Variants in GALNT2 observed in about 807,000 individuals in gnomAD.
GALNT2 encodes the protein polypeptide N-acetylgalactosaminyltransferase 2.
Under a neutral mutation model 81.4 loss-of-function variants are expected in GALNT2, and 31 were observed. That is an observed-to-expected ratio of 0.38 (90% CI 0.29 to 0.51). The LOEUF (loss-of-function observed/expected upper bound fraction) is 0.51. GALNT2 is among the 20% of genes least tolerant of loss of function. The pLI, the probability that GALNT2 is intolerant of heterozygous loss-of-function variation, is 0.87. For missense variants in GALNT2, 629 were observed against 765.7 expected, an observed-to-expected ratio of 0.82 and a Z score of 2.11; for synonymous variants, 303 against 287.4, an observed-to-expected ratio of 1.05 and a Z score of -0.55.
At chr1:230,109,920 T>C (rs1409122291) in intron 1 of GALNT2, among the ~76,000 whole-genome samples, 4 of 152,216 alleles carry the variant, frequency 2.6e-5, no homozygotes, top group Non-Finnish European at 5.9e-5. Flanking sequence ...ATGCATTTGC[T>C]AACATTTGAC....
chr1:230,103,060 A>G (rs1393484438), intron 1 of GALNT2, among the ~76,000 whole-genome samples: 1 of 152,218 alleles, frequency 6.6e-6, no homozygotes, highest in Non-Finnish European at 1.5e-5. Flanking sequence ...CTGTGCAGTA[A>G]GAGACTCCTA....
At chr1:230,131,729 A>G (rs888744636) in intron 1 of GALNT2, among the ~76,000 whole-genome samples, 9 of 152,140 alleles carry the variant, frequency 5.9e-5, no homozygotes, top group Non-Finnish European at 1.2e-4. Context: ...TGGTCCAGGT[A>G]TGGGGTCCTG....
At chr1:230,265,506 C>T in intron 14 of GALNT2, 139 bp downstream of exon 14, 1 of 1,187,700 alleles carries the variant, frequency 8.4e-7, no homozygotes, top group Non-Finnish European at 1.2e-6. Context: ...CTCCTGCTGG[C>T]CACAGCCTCT....
intron 1 of GALNT2, among the ~76,000 whole-genome samples, chr1:230,082,040 C>T (rs12741077): frequency 4.6e-5 from 7 of 152,200 alleles, no homozygotes; most frequent in African/African-American, 1.2e-4. Context: ...TGACCCAGGA[C>T]GGGTCTTGCT....
chr1:230,236,157 A>C, intron 4 of GALNT2, 45 bp downstream of exon 4: 1 of 1,580,384 alleles, frequency 6.3e-7, no homozygotes. Flanking sequence ...TTAAGACATT[A>C]GCTGTGTCCC....
chr1:230,248,462 T>A (rs1411322320), intron 8 of GALNT2, among the ~76,000 whole-genome samples: 1 of 152,176 alleles, frequency 6.6e-6, no homozygotes, highest in Non-Finnish European at 1.5e-5. Flanking sequence ...CAAGAGGCAC[T>A]ATGTGTGTGA....
At position 230,281,117 on chromosome 1, in the gene GALNT2, AC is replaced by A. The variant is rs1204231588; in HGVS notation, c.*1662del. On this transcript the variant is annotated 3_prime_UTR_variant, in exon 16 of 16. Transcript: ENST00000366672. The stretch of plus-strand genomic sequence containing the variant: ...AGCGGCGGCCTTGGAGTTAGGAGCC[AC>A]CCTGGGAGGTTGTGCCGGTGCCATG... The A allele has an allele frequency of 6.6e-6, 1 of 152,110 alleles. No homozygotes were observed. Among genetic ancestry groups the A allele is most frequent in the Non-Finnish European group, 1.5e-5 (1 of 68,050 alleles). 9.4% of individuals were successfully genotyped at this position (152,110 alleles called of 1,614,324 possible).
chr1:230,241,600 C>T (rs535312597), intron 6 of GALNT2, among the ~76,000 whole-genome samples: 3 of 152,158 alleles, frequency 2.0e-5, no homozygotes, highest in Non-Finnish European at 4.4e-5. Flanking sequence ...GCGCACGCCA[C>T]CACGCCTGGC....
chr1:230,167,939 A>G (rs1383110544), intron 1 of GALNT2, among the ~76,000 whole-genome samples: 2 of 145,782 alleles, frequency 1.4e-5, no homozygotes. Context: ...CATAAATCAC[A>G]TGGGAAATAA....
chr1:230,181,690 A>G (rs1351632568), intron 2 of GALNT2, among the ~76,000 whole-genome samples: 1 of 152,092 alleles, frequency 6.6e-6, no homozygotes, highest in Non-Finnish European at 1.5e-5. Flanking sequence ...ACACCCAGCC[A>G]TACCTTTCTT....
chr1:230,249,461 TC>T (rs1665477048), intron 9 of GALNT2, among the ~76,000 whole-genome samples, 190 bp downstream of exon 9: 1 of 152,222 alleles, frequency 6.6e-6, no homozygotes, highest in Non-Finnish European at 1.5e-5. Context: ...AGATTTCTTT[TC>T]CACAGTTGAA....
intron 14 of GALNT2, among the ~76,000 whole-genome samples, chr1:230,270,507 A>G (rs1175476018): frequency 6.6e-6 from 1 of 152,348 alleles, no homozygotes; most frequent in Non-Finnish European, 1.5e-5. Flanking sequence ...GTTTAATTTC[A>G]TTTCATTCTG....
At chr1:230,101,229 G>A (rs906271017) in intron 1 of GALNT2, among the ~76,000 whole-genome samples, 2 of 152,232 alleles carry the variant, frequency 1.3e-5, no homozygotes, top group African/African-American at 4.8e-5. Flanking sequence ...GTGTATGCCT[G>A]TATAGATGCG....
chr1:230,154,739 C>T (rs1662194732), intron 1 of GALNT2, among the ~76,000 whole-genome samples: 1 of 152,146 alleles, frequency 6.6e-6, no homozygotes, highest in African/African-American at 2.4e-5. Flanking sequence ...GCATCTTCCC[C>T]CATGGCCCTC....
chr1:230,225,460 A>C (rs1664677382), intron 3 of GALNT2, among the ~76,000 whole-genome samples: 1 of 152,094 alleles, frequency 6.6e-6, no homozygotes, highest in Non-Finnish European at 1.5e-5. Context: ...CTTGTGGTGG[A>C]TCCAGTCTCC....
intron 1 of GALNT2, among the ~76,000 whole-genome samples, chr1:230,106,627 G>A (rs1660552939): frequency 6.6e-6 from 1 of 152,234 alleles, no homozygotes; most frequent in African/African-American, 2.4e-5. Flanking sequence ...TTTGCTGTAT[G>A]GCAGGCATTC....
chr1:230,167,401 C>A (rs1218704287), intron 1 of GALNT2, among the ~76,000 whole-genome samples: 1 of 152,112 alleles, frequency 6.6e-6, no homozygotes, highest in Admixed American at 6.5e-5. Flanking sequence ...CCCACCTTGG[C>A]CTCCCAAAGT....
intron 1 of GALNT2, among the ~76,000 whole-genome samples, chr1:230,154,968 A>G (rs1662201656): frequency 6.6e-6 from 1 of 152,146 alleles, no homozygotes; most frequent in Admixed American, 6.5e-5. Context: ...TTGCAGTTCT[A>G]ATATTTACGT....
chr1:230,066,158 A>C (rs747996326), upstream of GALNT2, among the ~76,000 whole-genome samples: 1 of 152,236 alleles, frequency 6.6e-6, no homozygotes, highest in African/African-American at 2.4e-5. Flanking sequence ...GTACGGACTT[A>C]TATCAGGCAG....
Sources: gnomAD v4.1 joint callset for allele counts (sites outside exome capture counted in the v4.1 genomes callset) on GRCh38, gnomAD v4.1.1 for gene constraint, MANE v1.5 for transcripts, NCBI Gene and HGNC (gene_info 2026-07-23, HGNC 2026-07-21) for gene names.